TRPC4AP: variants seen among roughly 807,000 people sequenced by gnomAD.
The protein encoded by TRPC4AP is transient receptor potential cation channel subfamily C member 4 associated protein.
In TRPC4AP, 45 loss-of-function variants were observed where a neutral mutation model predicts 99.0. That is an observed-to-expected ratio of 0.45 (90% CI 0.36 to 0.58). The LOEUF (loss-of-function observed/expected upper bound fraction) is 0.58, where lower values mean the gene tolerates loss of function less well. Among genes scored for constraint, TRPC4AP ranks in the 20% least tolerant of loss-of-function variants. TRPC4AP has a pLI of 0.00. For synonymous variants in TRPC4AP, 408 were observed against 385.8 expected (o/e 1.06, Z -0.67); for missense variants, 879 against 985.3 (o/e 0.89, Z 1.44).
intron 7 of TRPC4AP, among the ~76,000 whole-genome samples, chr20:35,043,717 A>G (rs1195886109): frequency 6.6e-6 from 1 of 152,254 alleles, no homozygotes; most frequent in Non-Finnish European, 1.5e-5. Flanking sequence ...ATTAACAATA[A>G]CTAATGATAA....
chr20:35,022,281 G>A (rs754286351), intron 8 of TRPC4AP, among the ~76,000 whole-genome samples: 1 of 152,010 alleles, frequency 6.6e-6, no homozygotes, highest in Non-Finnish European at 1.5e-5. Context: ...TCAGCCTCCC[G>A]AGTAGCTGGG....
intron 2 of TRPC4AP, 27 bp from the exon 3 acceptor site, chr20:35,069,439 C>A: frequency 6.9e-7 from 1 of 1,458,410 alleles, no homozygotes; most frequent in Non-Finnish European, 9.6e-7. Context: ...AAAGTACATA[C>A]ATTGTTTTAG....
intron 1 of TRPC4AP, among the ~76,000 whole-genome samples, 183 bp downstream of exon 1, chr20:35,092,431 A>G (rs2085099775): frequency 6.6e-6 from 1 of 152,224 alleles, no homozygotes; most frequent in Admixed American, 6.5e-5. Context: ...AGGGACATCA[A>G]GCCAGCTGCT....
chr20:35,077,830 C>T (rs2084523661), intron 2 of TRPC4AP, among the ~76,000 whole-genome samples: 1 of 152,166 alleles, frequency 6.6e-6, no homozygotes, highest in Non-Finnish European at 1.5e-5. Flanking sequence ...AAAAGGATAA[C>T]ACAGGGAACC....
intron 9 of TRPC4AP, among the ~76,000 whole-genome samples, chr20:35,017,538 T>C (rs752702057): frequency 4.6e-5 from 7 of 152,234 alleles, no homozygotes; most frequent in Admixed American, 1.3e-4. Context: ...AGAAAGCAGA[T>C]GTAAAGCTCT....
At chr20:35,024,477 T>C (rs986287713) in intron 8 of TRPC4AP, among the ~76,000 whole-genome samples, 4 of 152,218 alleles carry the variant, frequency 2.6e-5, no homozygotes, top group Non-Finnish European at 5.9e-5. Flanking sequence ...ATCCATGTTG[T>C]AGCCCCTATC....
intron 1 of TRPC4AP, 59 bp downstream of exon 1, chr20:35,092,555 C>G: frequency 2.9e-6 from 4 of 1,394,946 alleles, no homozygotes; most frequent in Admixed American, 6.4e-5. Context: ...TCTTCCCCGG[C>G]CCCCCGCCAG....
At chr20:35,060,625 T>TAC (rs1162161870) in intron 3 of TRPC4AP, among the ~76,000 whole-genome samples, 30 of 141,896 alleles carry the variant, frequency 2.1e-4, no homozygotes, top group African/African-American at 7.3e-4. Flanking sequence ...AAAAGGATTA[T>TAC]ACACCATGAC....
chr20:35,054,243 G>A (rs988471457), intron 5 of TRPC4AP, among the ~76,000 whole-genome samples: 19 of 150,370 alleles, frequency 1.3e-4, no homozygotes, highest in African/African-American at 4.2e-4. Context: ...AATAGCGCTC[G>A]TCTCATTCTG....
intron 8 of TRPC4AP, among the ~76,000 whole-genome samples, chr20:35,028,244 C>T (rs983093005): frequency 2.0e-5 from 3 of 151,042 alleles, no homozygotes. Context: ...CACTCTGTCA[C>T]CCAGGCTGTA....
At position 35,092,697 on chromosome 20, in the gene TRPC4AP, C is replaced by T. The variant is rs2085109900; in HGVS notation, c.85G>A (p.Gly29Ser). The T allele has an allele frequency of 6.5e-7, 1 of 1,546,266 alleles. No individual in the cohort carries two copies. Among genetic ancestry groups the T allele is most frequent in the Admixed American group, 1.9e-5 (1 of 53,318 alleles). ...ATGTTACCAGGCCGCGGCCGGCCGC[C>T]CCATCCGCCCCAAGCCGCCACTGTG... ...AATVAAWGGW[G>S]GRPRPGNILL... Residue 29 changes from glycine (G) to serine (S), a missense_variant, in exon 1 of 19, where the codon GGC becomes AGC. Gly to Ser is a moderately conservative substitution (Grantham distance 56, BLOSUM62 0). Coordinates refer to ENST00000252015, the MANE Select transcript of TRPC4AP (RefSeq NM_015638.3).
chr20:35,068,835 T>TAA lies in TRPC4AP; in HGVS notation c.414+459_414+460dup, dbSNP rs1277251386. ...GCGCCCGGCCTAAAATTGTTTTAAT[T>TAA]AAAAAAAAAAAAAGAAGAAGAAAGA... On this transcript the variant is annotated intron_variant, in intron 3 of 18. Transcript: ENST00000252015. Among the ~76,000 whole-genome samples the TAA allele has an allele frequency of 7.6e-3, 1,041 of 137,662 alleles. 15 individuals carry two copies. The highest frequency in any genetic ancestry group is 0.027 in the African/African-American group (1,009 of 37,604). 90.3% of individuals were successfully genotyped at this position (137,662 alleles called of 152,430 possible).
At chr20:35,069,557 G>A in intron 2 of TRPC4AP, 145 bp from the exon 3 acceptor site, 1 of 599,750 alleles carries the variant, frequency 1.7e-6, no homozygotes, top group East Asian at 2.8e-5. Context: ...CTAGTATTCA[G>A]GCCCCTGTAA....
At chr20:35,008,639 G>A (rs193212641) in intron 13 of TRPC4AP, 25 bp downstream of exon 13, 148 of 1,606,150 alleles carry the variant, frequency 9.2e-5, no homozygotes, top group Middle Eastern at 1.7e-4. Flanking sequence ...CCGCAGAATC[G>A]GCAGGTACTT....
intron 4 of TRPC4AP, 146 bp downstream of exon 4, chr20:35,057,368 G>T: frequency 3.2e-6 from 2 of 629,644 alleles, no homozygotes; most frequent in South Asian, 4.3e-5. Flanking sequence ...TGCTTAGCTG[G>T]GGGAGGAGAG....
At chr20:35,089,721 C>A (rs780784877) in intron 1 of TRPC4AP, among the ~76,000 whole-genome samples, 1 of 152,024 alleles carries the variant, frequency 6.6e-6, no homozygotes, top group African/African-American at 2.4e-5. Flanking sequence ...TGGTGGCACA[C>A]GACTGTAATC....
At position 35,069,459 on chromosome 20, in the gene TRPC4AP, C is replaced by T. The variant is rs370381100; in HGVS notation, c.298-47G>A. ...ACATACATTGTTTTAGTAACCAACA[C>T]AGACCAGACACTAAAGCATCAGTTT... On this transcript the variant is annotated intron_variant, in intron 2 of 18. Transcript: ENST00000252015. The T allele has an allele frequency of 2.1e-5, 25 of 1,182,210 alleles. No homozygotes were observed. In the African/African-American group the frequency reaches 3.5e-4, roughly 17 times the overall value. 73.2% of individuals were successfully genotyped at this position (1,182,210 alleles called of 1,614,324 possible).
intron 13 of TRPC4AP, among the ~76,000 whole-genome samples, chr20:35,008,184 C>T (rs1231872497): frequency 1.3e-5 from 2 of 152,150 alleles, no homozygotes; most frequent in Admixed American, 6.5e-5. Context: ...AGCTCACGCC[C>T]GGCCCTGATG....
chr20:35,030,268 C>CTTA (rs1273957359), intron 8 of TRPC4AP: 1 of 144,612 alleles, frequency 6.9e-6, no homozygotes, highest in Non-Finnish European at 1.5e-5. Flanking sequence ...AAAGAAGTTG[C>CTTA]TTACCACATA....
Sources: allele counts gnomAD v4.1 joint callset (sites outside exome capture counted in the v4.1 genomes callset), GRCh38; gene constraint gnomAD v4.1.1; transcripts MANE v1.5; gene names NCBI Gene and HGNC (gene_info 2026-07-23, HGNC 2026-07-21).